The following CBLN4 variants were observed in gnomAD, a reference collection of about 807,000 sequenced individuals.
CBLN4 encodes cerebellin 4 precursor, also known as cerebellin-4.
In CBLN4, 7 loss-of-function variants were observed where a neutral mutation model predicts 14.9. The ratio of observed to expected loss-of-function variants is 0.47; its 90% CI spans 0.27 to 0.88. The LOEUF (loss-of-function observed/expected upper bound fraction) is 0.88. Among genes scored for constraint, CBLN4 ranks in the 40% least tolerant of loss-of-function variants. The pLI is 0.14. For missense variants in CBLN4, 188 were observed against 256.8 expected (o/e 0.73, Z 1.83); for synonymous variants, 131 against 116.5 (o/e 1.12, Z -0.80).
At position 56,004,304 on chromosome 20, in the gene CBLN4, G is replaced by C; in HGVS notation, c.-133C>G. ...CGCTGCAGGAGCGACGGCGGCGGCG[G>C]CGCGCACACTTCCACCAATTCTGTG... On this transcript the variant is annotated 5_prime_UTR_variant, in exon 1 of 3. Transcript: ENST00000064571. The surrounding 1 kb of genome is among the most constrained non-coding windows in gnomAD (Gnocchi z 6.1). The C allele has an allele frequency of 1.2e-6, 1 of 839,374 alleles. No homozygotes were observed. The highest frequency in any genetic ancestry group is 1.7e-6 in the Non-Finnish European group (1 of 591,120). 52.0% of individuals were successfully genotyped at this position (839,374 alleles called of 1,614,324 possible).
chr20:56,004,921 T>TGGCC lies in CBLN4; in HGVS notation c.-754_-751dup, dbSNP rs1986441113. The TGGCC allele has an allele frequency of 6.6e-6, 1 of 152,424 alleles. No homozygotes were observed. Among genetic ancestry groups the TGGCC allele is most frequent in the South Asian group, 2.1e-4 (1 of 4,838 alleles). 9.4% of individuals were successfully genotyped at this position (152,424 alleles called of 1,614,324 possible). A position where few individuals can be genotyped will look rare whatever the true frequency, so the allele number is the denominator to read the frequency against. ...TGGTCCGGCGGGGTCCTCTCCTGCC[T>TGGCC]GGCCGCCCGCCCCCAGTCCCTGCGC... On this transcript the variant is annotated 5_prime_UTR_variant, in exon 1 of 3. Coordinates refer to ENST00000064571, the MANE Select transcript of CBLN4 (RefSeq NM_080617.6). This position sits in a 1 kb window ranked among gnomAD's most constrained non-coding sequence, Gnocchi z 6.1.
chr20:56,002,163 T>C (rs556219073), intron 1 of CBLN4, among the ~76,000 whole-genome samples: 1 of 152,304 alleles, frequency 6.6e-6, no homozygotes, highest in South Asian at 2.1e-4. Context: ...AAAACACATG[T>C]ACGTGTATAA....
In CBLN4 at chr20:56,005,460, G is replaced by C. The variant is rs1986454456; in HGVS notation, c.-1289C>G. The stretch of plus-strand genomic sequence containing the variant: ...GCGGGCGTCCCGACCGCGCCTGGCC[G>C]GGAGCCCGCCCCACACAGCCCTGGG... On this transcript the variant is annotated 5_prime_UTR_variant, in exon 1 of 3. Coordinates refer to ENST00000064571, the MANE Select transcript of CBLN4 (RefSeq NM_080617.6). 1 of 152,190 alleles carries C rather than the reference G, an allele frequency of 6.6e-6. No homozygotes were observed. The highest frequency in any genetic ancestry group is 1.9e-4 in the East Asian group (1 of 5,152). The allele number at this position is 152,190 out of a possible 1,614,324, so 9.4% of individuals were successfully genotyped here.
chr20:55,998,249 C>A lies in CBLN4; in HGVS notation c.*308G>T. The A allele has an allele frequency of 3.0e-6, 1 of 333,554 alleles. No homozygotes were observed. Among genetic ancestry groups the A allele is most frequent in the South Asian group, 5.3e-5 (1 of 19,028 alleles). The allele number at this position is 333,554 out of a possible 1,614,324, so 20.7% of individuals were successfully genotyped here. A position where few individuals can be genotyped will look rare whatever the true frequency, so the allele number is the denominator to read the frequency against. ...TTTTAAAACTAAACAAATAAAATTC[C>A]ACATCTGTAACTAATTCAGTAATCC... is the stretch of plus-strand genomic sequence containing the variant. On this transcript the variant is annotated 3_prime_UTR_variant, in exon 3 of 3. Transcript: ENST00000064571.
rs528110317 is a variant in CBLN4 at position 56,004,551 on chromosome 20, A to G, written c.-380T>C. On this transcript the variant is annotated 5_prime_UTR_variant, in exon 1 of 3. Transcript: ENST00000064571. The surrounding 1 kb of genome is among the most constrained non-coding windows in gnomAD (Gnocchi z 6.1). ...ATAATAATAATAAATTCTCACCCCA[A>G]ACTCAAGCACCACCAGCTAAACCAC... 2 of 176,314 alleles carry G rather than the reference A, an allele frequency of 1.1e-5. No homozygotes were observed. The highest frequency in any genetic ancestry group is 3.9e-4 in the South Asian group (2 of 5,118). 10.9% of individuals were successfully genotyped at this position (176,314 alleles called of 1,614,324 possible). A position where few individuals can be genotyped will look rare whatever the true frequency, so the allele number is the denominator to read the frequency against.
At position 55,997,609 on chromosome 20, in the gene CBLN4, A is replaced by C. The variant is rs746854953; in HGVS notation, c.*948T>G. The C allele has an allele frequency of 6.6e-6, 1 of 152,510 alleles. No homozygotes were observed. The highest frequency in any genetic ancestry group is 2.1e-4 in the South Asian group (1 of 4,830). The allele number at this position is 152,510 out of a possible 1,614,324, so 9.4% of individuals were successfully genotyped here. A position where few individuals can be genotyped will look rare whatever the true frequency, so the allele number is the denominator to read the frequency against. The stretch of plus-strand genomic sequence containing the variant: ...TAAAGAGTTAAGGCAAAACCAGATG[A>C]TACTTCAAATACAACAGAAGCCTTG... On this transcript the variant is annotated 3_prime_UTR_variant, in exon 3 of 3. Coordinates refer to ENST00000064571, the MANE Select transcript of CBLN4 (RefSeq NM_080617.6).
intron 1 of CBLN4, 141 bp downstream of exon 1, chr20:56,003,740 C>T: frequency 1.2e-6 from 1 of 867,948 alleles, no homozygotes; most frequent in South Asian, 1.8e-5. Context: ...AAGTTTCAGA[C>T]CCAGGCATAT....
chr20:55,997,662 C>G lies in CBLN4; in HGVS notation c.*895G>C, dbSNP rs191623266. On this transcript the variant is annotated 3_prime_UTR_variant, in exon 3 of 3. Coordinates refer to ENST00000064571, the MANE Select transcript of CBLN4 (RefSeq NM_080617.6). ...AAATAGGTATAATTAGAAACAACAG[C>G]ATCCCACCACCAGTTAATAAAGTGG... The G allele has an allele frequency of 6.6e-6, 1 of 151,644 alleles. No individual in the cohort carries two copies. Among genetic ancestry groups the G allele is most frequent in the East Asian group, 1.9e-4 (1 of 5,142 alleles). 9.4% of individuals were successfully genotyped at this position (151,644 alleles called of 1,614,324 possible).
chr20:56,004,384 C>T lies in CBLN4; in HGVS notation c.-213G>A. 1 of 502,578 alleles carries T rather than the reference C, an allele frequency of 2.0e-6. No individual in the cohort carries two copies. The highest frequency in any genetic ancestry group is 3.4e-6 in the Non-Finnish European group (1 of 294,194). 31.1% of individuals were successfully genotyped at this position (502,578 alleles called of 1,614,324 possible). On this transcript the variant is annotated 5_prime_UTR_variant, in exon 1 of 3. Coordinates refer to ENST00000064571, the MANE Select transcript of CBLN4 (RefSeq NM_080617.6). The surrounding 1 kb of genome is among the most constrained non-coding windows in gnomAD (Gnocchi z 6.1). ...TCTCGCTGGCTCTGTTACCTTTGTC[C>T]TTTAAGGAGCTCATGCAGCACCCTT...
At chr20:55,999,112 T>G (rs1986326842) in intron 2 of CBLN4, among the ~76,000 whole-genome samples, 1 of 152,198 alleles carries the variant, frequency 6.6e-6, no homozygotes, top group Non-Finnish European at 1.5e-5. Flanking sequence ...AGCAGGCTTG[T>G]GGCTTCCCGG....
chr20:56,001,664 T>C (rs2145959239), intron 1 of CBLN4, among the ~76,000 whole-genome samples: 1 of 152,290 alleles, frequency 6.6e-6, no homozygotes, highest in African/African-American at 2.4e-5. Context: ...TAACCTCCTA[T>C]CAATCACCTG....
chr20:55,998,451 T>C lies in CBLN4; in HGVS notation c.*106A>G. On this transcript the variant is annotated 3_prime_UTR_variant, in exon 3 of 3. Transcript: ENST00000064571. The stretch of plus-strand genomic sequence containing the variant: ...AATCCTTAGAATCCATATCCACCCA[T>C]GAGAAACCAATAAAAGACATCAATC... 2.3e-6 allele frequency: 3 copies of C among 1,284,714 alleles called. No homozygotes were observed. Among genetic ancestry groups the C allele is most frequent in the Non-Finnish European group, 3.3e-6 (3 of 911,838 alleles). 79.6% of individuals were successfully genotyped at this position (1,284,714 alleles called of 1,614,324 possible). A position where few individuals can be genotyped will look rare whatever the true frequency, so the allele number is the denominator to read the frequency against.
rs1255739554 is a variant in CBLN4 at position 55,997,810 on chromosome 20, C to T, written c.*747G>A. Reference sequence around the variant, plus strand: ...TCGGAGGGGAGCTGTTTTGCTGAGGCTCAGGGATTGAGCACTTAGATTTTG... The same window carrying T: ...TCGGAGGGGAGCTGTTTTGCTGAGGTTCAGGGATTGAGCACTTAGATTTTG... On this transcript the variant is annotated 3_prime_UTR_variant, in exon 3 of 3. Coordinates refer to ENST00000064571, the MANE Select transcript of CBLN4 (RefSeq NM_080617.6). The T allele has an allele frequency of 6.6e-6, 1 of 152,510 alleles. No homozygotes were observed. Among genetic ancestry groups the T allele is most frequent in the African/African-American group, 2.4e-5 (1 of 41,414 alleles). The allele number at this position is 152,510 out of a possible 1,614,324, so 9.4% of individuals were successfully genotyped here.
chr20:56,002,190 C>T (rs561908652), intron 1 of CBLN4, among the ~76,000 whole-genome samples: 2 of 152,280 alleles, frequency 1.3e-5, no homozygotes, highest in South Asian at 2.1e-4. Flanking sequence ...TCTGAGATTT[C>T]GCCTTCTTCC....
In CBLN4 at chr20:55,997,818, T is replaced by C. The variant is rs373347713; in HGVS notation, c.*739A>G. 6 of 152,658 alleles carry C rather than the reference T, an allele frequency of 3.9e-5. No homozygotes were observed. The highest frequency in any genetic ancestry group is 1.4e-4 in the African/African-American group (6 of 41,456). 9.5% of individuals were successfully genotyped at this position (152,658 alleles called of 1,614,324 possible). A position where few individuals can be genotyped will look rare whatever the true frequency, so the allele number is the denominator to read the frequency against. On this transcript the variant is annotated 3_prime_UTR_variant, in exon 3 of 3. Coordinates refer to ENST00000064571, the MANE Select transcript of CBLN4 (RefSeq NM_080617.6). ...GAGCTGTTTTGCTGAGGCTCAGGGATTGAGCACTTAGATTTTGGGTAAGCA... is the reference window on the plus strand; with the variant it reads ...GAGCTGTTTTGCTGAGGCTCAGGGACTGAGCACTTAGATTTTGGGTAAGCA...
intron 2 of CBLN4, 30 bp downstream of exon 2, chr20:56,000,701 A>C: frequency 8.7e-7 from 1 of 1,146,872 alleles, no homozygotes; most frequent in South Asian, 1.6e-5. Flanking sequence ...GTTGGTTGAG[A>C]GTATGGATGG....
intron 1 of CBLN4, 104 bp downstream of exon 1, chr20:56,003,777 T>G: frequency 8.3e-7 from 1 of 1,210,518 alleles, no homozygotes; most frequent in African/African-American, 1.5e-5. Context: ...TTTACATGAT[T>G]CCCCATTTCC....
At position 56,004,363 on chromosome 20, in the gene CBLN4, G is replaced by T. The variant is rs1448976365; in HGVS notation, c.-192C>A. ...TCAAAGTCTCCCCTCGAGCTCTCTC[G>T]CTGGCTCTGTTACCTTTGTCCTTTA... On this transcript the variant is annotated 5_prime_UTR_variant, in exon 1 of 3. Transcript: ENST00000064571. The surrounding 1 kb of genome is among the most constrained non-coding windows in gnomAD (Gnocchi z 6.1). 15 of 528,152 alleles carry T rather than the reference G, an allele frequency of 2.8e-5. No homozygotes were observed. In the East Asian group the frequency reaches 3.8e-4, roughly 13 times the overall value. The allele number at this position is 528,152 out of a possible 1,614,324, so 32.7% of individuals were successfully genotyped here.
At chr20:56,001,604 G>C (rs755084955) in intron 1 of CBLN4, among the ~76,000 whole-genome samples, 3 of 152,118 alleles carry the variant, frequency 2.0e-5, no homozygotes, top group Non-Finnish European at 4.4e-5. Context: ...CATAGAGAAG[G>C]CTAAACTATG....
Sources: gnomAD v4.1 joint callset for allele counts (sites outside exome capture counted in the v4.1 genomes callset) on GRCh38, gnomAD v4.1.1 for gene constraint, Gnocchi (gnomAD v3.1) non-coding constraint, MANE v1.5 for transcripts, NCBI Gene and HGNC (gene_info 2026-07-23, HGNC 2026-07-21) for gene names.